THSD4: variants seen among roughly 807,000 people sequenced by gnomAD.
The protein encoded by THSD4 is thrombospondin type 1 domain containing 4, also known as thrombospondin type-1 domain-containing protein 4.
A neutral mutation model predicts 119.0 loss-of-function variants in THSD4; 69 were observed. That is an observed-to-expected ratio of 0.58 (90% CI 0.48 to 0.71). The LOEUF (loss-of-function observed/expected upper bound fraction) is 0.71. THSD4 is among the 30% of genes least tolerant of loss of function. The pLI, the probability that THSD4 is intolerant of heterozygous loss-of-function variation, is 0.00. For missense variants in THSD4, 1,393 were observed against 1,391.1 expected (o/e 1.00, Z -0.02); for synonymous variants, 524 against 540.4 (o/e 0.97, Z 0.42).
chr15:71,188,918 ATCT>A (rs2043642574), intron 3 of THSD4: 1 of 152,616 alleles, frequency 6.6e-6, no homozygotes, highest in South Asian at 2.1e-4. Flanking sequence ...ATGGGGAATC[ATCT>A]TCTTCATAAT....
chr15:71,485,527 C>G (rs1446271855), intron 7 of THSD4, among the ~76,000 whole-genome samples: 2 of 152,130 alleles, frequency 1.3e-5, no homozygotes, highest in African/African-American at 2.4e-5. Context: ...TAAGAGAAAA[C>G]TGAGCTAACC....
intron 3 of THSD4, among the ~76,000 whole-genome samples, chr15:71,198,135 C>T (rs2043735694): frequency 6.6e-6 from 1 of 152,170 alleles, no homozygotes; most frequent in Non-Finnish European, 1.5e-5. Context: ...GTGCCATGAA[C>T]CTATAGTCCC....
chr15:71,777,840 C>G lies in THSD4; in HGVS notation c.*466C>G, dbSNP rs1296226248. ...TAAGCCTTGCTGACACGCGTGCATCCCTCTGTGACCTCAGCCCAGATGTGC... is the reference window on the plus strand; with the variant it reads ...TAAGCCTTGCTGACACGCGTGCATCGCTCTGTGACCTCAGCCCAGATGTGC... On this transcript the variant is annotated 3_prime_UTR_variant, in exon 18 of 18. Transcript: ENST00000261862. 1 of 178,468 alleles carries G rather than the reference C, an allele frequency of 5.6e-6. No homozygotes were observed. Among genetic ancestry groups the G allele is most frequent in the Non-Finnish European group, 1.2e-5 (1 of 82,118 alleles). The allele number at this position is 178,468 out of a possible 1,614,324, so 11.1% of individuals were successfully genotyped here. A position where few individuals can be genotyped will look rare whatever the true frequency, so the allele number is the denominator to read the frequency against.
chr15:71,149,478 A>G (rs965580513), intron 2 of THSD4, among the ~76,000 whole-genome samples: 2 of 151,670 alleles, frequency 1.3e-5, no homozygotes, highest in African/African-American at 4.8e-5. Context: ...CGAACTTGTG[A>G]CCTCAAGTGA....
chr15:71,468,670 G>A (rs1364371807), intron 7 of THSD4, among the ~76,000 whole-genome samples: 1 of 152,130 alleles, frequency 6.6e-6, no homozygotes, highest in Non-Finnish European at 1.5e-5. Context: ...TCTGCCTCAC[G>A]TTAGGTAAGT....
chr15:71,294,483 G>A (rs1232447164), intron 6 of THSD4, among the ~76,000 whole-genome samples: 1 of 152,112 alleles, frequency 6.6e-6, no homozygotes, highest in Non-Finnish European at 1.5e-5. Context: ...CTTAGATGGG[G>A]TCCGTTCAGG....
intron 6 of THSD4, among the ~76,000 whole-genome samples, chr15:71,306,802 TTG>T (rs756871855): frequency 6.6e-6 from 1 of 152,254 alleles, no homozygotes; most frequent in Non-Finnish European, 1.5e-5. Context: ...TTGCTTAACC[TTG>T]TGTTTGCCAA....
chr15:71,241,894 A>AT (rs993175446), intron 4 of THSD4, among the ~76,000 whole-genome samples: 26 of 151,522 alleles, frequency 1.7e-4, no homozygotes, highest in South Asian at 2.1e-4. Context: ...ACATTATGAG[A>AT]TTTTTTTTTG....
intron 6 of THSD4, among the ~76,000 whole-genome samples, chr15:71,356,501 A>C (rs1330303407): frequency 2.6e-5 from 4 of 152,200 alleles, no homozygotes; most frequent in African/African-American, 9.7e-5. Context: ...AGTCTAGAAA[A>C]GATACTTGGT....
At chr15:71,385,155 C>G (rs1240536379) in intron 6 of THSD4, among the ~76,000 whole-genome samples, 1 of 152,168 alleles carries the variant, frequency 6.6e-6, no homozygotes, top group African/African-American at 2.4e-5. Flanking sequence ...GCTTTCGTGA[C>G]TTCCGAACCC....
intron 7 of THSD4, among the ~76,000 whole-genome samples, chr15:71,502,005 A>G: frequency 6.6e-6 from 1 of 152,260 alleles, no homozygotes; most frequent in East Asian, 1.9e-4. Flanking sequence ...GTTTAAATAT[A>G]AAACTGAGAA....
chr15:71,317,105 T>C (rs767997544), intron 6 of THSD4, among the ~76,000 whole-genome samples: 3 of 152,186 alleles, frequency 2.0e-5, no homozygotes, highest in Non-Finnish European at 4.4e-5. Flanking sequence ...TTTTCAGAGC[T>C]GGATATTGGT....
chr15:71,466,992 C>T (rs1237933842), intron 7 of THSD4, among the ~76,000 whole-genome samples: 1 of 152,200 alleles, frequency 6.6e-6, no homozygotes, highest in African/African-American at 2.4e-5. Flanking sequence ...GCATTGCCCT[C>T]GCGTTTGTAA....
intron 7 of THSD4, among the ~76,000 whole-genome samples, chr15:71,602,152 C>G (rs1010269501): frequency 6.6e-6 from 1 of 152,022 alleles, no homozygotes; most frequent in Non-Finnish European, 1.5e-5. Flanking sequence ...TGGTCTGGAG[C>G]TAAAGGTCTT....
At chr15:71,121,785 A>C (rs1490791468) in intron 1 of THSD4, among the ~76,000 whole-genome samples, 1 of 152,056 alleles carries the variant, frequency 6.6e-6, no homozygotes, top group Non-Finnish European at 1.5e-5. Context: ...CTTGAGAGGA[A>C]AATCAGGAGC....
At chr15:71,395,952 CAA>C (rs1491333154) in intron 6 of THSD4, among the ~76,000 whole-genome samples, 14,005 of 147,056 alleles carry the variant, frequency 0.095, 722 homozygotes, top group Non-Finnish European at 0.12. Flanking sequence ...CACACACACA[CAA>C]ACACAGACTT....
Position 71,457,788 on chromosome 15 carries a change from C to T in THSD4, c.1152+45965C>T, listed in dbSNP as rs1012431269. Among the ~76,000 whole-genome samples the T allele has an allele frequency of 5.3e-5, 8 of 152,306 alleles. No homozygotes were observed. In the South Asian group the frequency reaches 6.2e-4, roughly 12 times the overall value. On this transcript the variant is annotated intron_variant, in intron 7 of 17. Transcript: ENST00000261862. ...CCCCCTCACACTGCCTGATTTTTCCCGGATCCGTTATTCTTACCTGAGGTC... is the reference window on the plus strand; with the variant it reads ...CCCCCTCACACTGCCTGATTTTTCCTGGATCCGTTATTCTTACCTGAGGTC...
intron 6 of THSD4, among the ~76,000 whole-genome samples, chr15:71,310,327 T>TC (rs1358070759): frequency 6.6e-6 from 1 of 152,068 alleles, no homozygotes; most frequent in Non-Finnish European, 1.5e-5. Context: ...CAAGGAAACT[T>TC]CCCCTTTGCC....
intron 7 of THSD4, among the ~76,000 whole-genome samples, chr15:71,522,068 C>G (rs1018978284): frequency 1.3e-5 from 2 of 152,046 alleles, no homozygotes; most frequent in Non-Finnish European, 2.9e-5. Flanking sequence ...AATTTTTCAC[C>G]CTTTTACACC....
Sources: allele counts gnomAD v4.1 joint callset (sites outside exome capture counted in the v4.1 genomes callset), GRCh38; gene constraint gnomAD v4.1.1; transcripts MANE v1.5; gene names NCBI Gene and HGNC (gene_info 2026-07-23, HGNC 2026-07-21).